TBC1D22A: variants seen among roughly 807,000 people sequenced by gnomAD.
TBC1D22A encodes the protein TBC1 domain family member 22A.
Under a neutral mutation model 60.2 loss-of-function variants are expected in TBC1D22A, and 38 were observed. The observed-to-expected ratio is 0.63, with a 90% CI of 0.49 to 0.83. The LOEUF is 0.83. Among genes scored for constraint, TBC1D22A ranks in the 40% least tolerant of loss-of-function variants. TBC1D22A has a pLI of 0.00. For missense variants in TBC1D22A, 628 were observed against 701.0 expected, an observed-to-expected ratio of 0.90 and a Z score of 1.18; for synonymous variants, 302 against 281.7, an observed-to-expected ratio of 1.07 and a Z score of -0.72.
At chr22:47,112,122 G>A (rs2065870982) in intron 12 of TBC1D22A, among the ~76,000 whole-genome samples, 1 of 152,244 alleles carries the variant, frequency 6.6e-6, no homozygotes, top group Non-Finnish European at 1.5e-5. Flanking sequence ...TCAGAGGCAC[G>A]CCCTGCTAGG....
At chr22:47,075,319 G>A (rs1311544927) in intron 11 of TBC1D22A, among the ~76,000 whole-genome samples, 8 of 151,972 alleles carry the variant, frequency 5.3e-5, no homozygotes, top group African/African-American at 1.9e-4. Flanking sequence ...AGGCTTTGTA[G>A]GGTGCTGAGC....
intron 4 of TBC1D22A, among the ~76,000 whole-genome samples, chr22:46,824,544 C>T (rs1465119227): frequency 2.6e-5 from 4 of 152,238 alleles, no homozygotes; most frequent in East Asian, 1.9e-4. Context: ...AAGGAGGTCA[C>T]ATTCCATGCT....
At chr22:47,161,755 C>G (rs2067991988) in intron 12 of TBC1D22A, among the ~76,000 whole-genome samples, 1 of 152,248 alleles carries the variant, frequency 6.6e-6, no homozygotes, top group Admixed American at 6.5e-5. Flanking sequence ...CCCTTCTGCG[C>G]AAGTGTGTGC....
At chr22:46,982,226 CT>C (rs750713030) in intron 9 of TBC1D22A, among the ~76,000 whole-genome samples, 9,103 of 138,478 alleles carry the variant, frequency 0.066, 317 homozygotes, top group African/African-American at 0.11. Flanking sequence ...AAGAGACAGT[CT>C]TTTTTTTTTT....
intron 9 of TBC1D22A, among the ~76,000 whole-genome samples, chr22:46,976,508 G>A (rs894227640): frequency 6.6e-6 from 1 of 152,192 alleles, no homozygotes; most frequent in African/African-American, 2.4e-5. Flanking sequence ...CACTGCCGCT[G>A]TTTTAAGTTC....
intron 4 of TBC1D22A, among the ~76,000 whole-genome samples, chr22:46,806,053 A>G (rs755015474): frequency 3.3e-5 from 5 of 151,824 alleles, no homozygotes; most frequent in Non-Finnish European, 7.4e-5. Flanking sequence ...GGGTTTCACC[A>G]TGTTGGTCAG....
chr22:47,000,094 T>G (rs1277281914), intron 10 of TBC1D22A, among the ~76,000 whole-genome samples: 1 of 152,142 alleles, frequency 6.6e-6, no homozygotes, highest in African/African-American at 2.4e-5. Context: ...TTCAGAAAAT[T>G]TTGATAATTC....
At chr22:46,815,181 CT>C (rs1048284837) in intron 4 of TBC1D22A, among the ~76,000 whole-genome samples, 2 of 152,180 alleles carry the variant, frequency 1.3e-5, no homozygotes, top group African/African-American at 4.8e-5. Context: ...AGACACACCC[CT>C]GAGACATAAC....
chr22:46,840,620 C>A (rs1228466538), intron 4 of TBC1D22A, among the ~76,000 whole-genome samples: 1 of 151,948 alleles, frequency 6.6e-6, no homozygotes, highest in Non-Finnish European at 1.5e-5. Flanking sequence ...GTAGTCCCAG[C>A]TACTTGGGAG....
intron 12 of TBC1D22A, among the ~76,000 whole-genome samples, chr22:47,126,327 A>G (rs1025987534): frequency 3.3e-5 from 5 of 152,366 alleles, no homozygotes; most frequent in East Asian, 1.9e-4. Flanking sequence ...TCAGGCCACC[A>G]GAAGACAGGG....
chr22:46,803,035 C>G (rs910868), intron 4 of TBC1D22A, among the ~76,000 whole-genome samples: 102,167 of 151,668 alleles, frequency 0.67, 34,675 homozygotes, highest in Middle Eastern at 0.83. Context: ...ACAAAATCTC[C>G]TCCTCATGAA....
At chr22:46,947,972 C>T (rs950479709) in intron 8 of TBC1D22A, among the ~76,000 whole-genome samples, 4 of 152,192 alleles carry the variant, frequency 2.6e-5, no homozygotes, top group East Asian at 1.9e-4. Flanking sequence ...CTGATAAACT[C>T]GCCTTTTAAT....
Position 46,997,628 on chromosome 22 carries a change from C to G in TBC1D22A, c.1126-6C>G. 6.2e-7 allele frequency: 1 copy of G among 1,610,934 alleles called. No individual in the cohort carries two copies. The highest frequency in any genetic ancestry group is 8.5e-7 in the Non-Finnish European group (1 of 1,178,102). On this transcript the variant is annotated splice_region_variant and splice_polypyrimidine_tract_variant and intron_variant, in intron 9 of 12. Transcript: ENST00000337137. Reference sequence around the variant, plus strand: ...CATATGATTCACATTATTCTTTTTTCCTTAGGACAACTACACCTTTGCCCA... The same window carrying G: ...CATATGATTCACATTATTCTTTTTTGCTTAGGACAACTACACCTTTGCCCA...
rs1461923427 is a variant in TBC1D22A, at chr22:46,916,075, A to T, written c.1015+3887A>T. The T allele has an allele frequency of 2.3e-5, 9 of 393,328 alleles. No individual in the cohort carries two copies. In the East Asian group the frequency reaches 6.3e-4, roughly 28 times the overall value. The allele number at this position is 393,328 out of a possible 1,614,324, so 24.4% of individuals were successfully genotyped here. The stretch of plus-strand genomic sequence containing the variant: ...AGGACATATGCATGTAGTGAATTGT[A>T]TTGCAACCCCTCTGACACTTTGTTT... On this transcript the variant is annotated intron_variant, in intron 8 of 12. Transcript: ENST00000337137.
chr22:47,042,126 C>T (rs131885), intron 11 of TBC1D22A, among the ~76,000 whole-genome samples: 1 of 152,096 alleles, frequency 6.6e-6, no homozygotes, highest in Non-Finnish European at 1.5e-5. Context: ...AAGCACCTTG[C>T]CCAGGGCCAC....
intron 7 of TBC1D22A, among the ~76,000 whole-genome samples, chr22:46,910,243 G>C (rs1275699160): frequency 6.6e-6 from 1 of 152,182 alleles, no homozygotes; most frequent in Non-Finnish European, 1.5e-5. Flanking sequence ...ATGCTAGCGT[G>C]GGGTGGCGGG....
chr22:47,108,079 G>A (rs1349597967), intron 11 of TBC1D22A, among the ~76,000 whole-genome samples: 1 of 152,188 alleles, frequency 6.6e-6, no homozygotes, highest in Non-Finnish European at 1.5e-5. Context: ...GAAAAGAGGA[G>A]GCATGGGGAG....
chr22:47,078,266 T>G (rs1048338453), intron 11 of TBC1D22A, among the ~76,000 whole-genome samples: 3 of 152,180 alleles, frequency 2.0e-5, no homozygotes, highest in Admixed American at 2.0e-4. Flanking sequence ...TTCTCTTCCC[T>G]CTGCCCTTGG....
At chr22:46,919,735 T>TTC (rs549509711) in intron 8 of TBC1D22A, among the ~76,000 whole-genome samples, 13,821 of 151,146 alleles carry the variant, frequency 0.091, 1,306 homozygotes, top group African/African-American at 0.23. Context: ...TTCACTCTTT[T>TTC]TTTTTTTTTT....
Sources: gnomAD v4.1 joint callset for allele counts (sites outside exome capture counted in the v4.1 genomes callset) on GRCh38, gnomAD v4.1.1 for gene constraint, MANE v1.5 for transcripts, NCBI Gene and HGNC (gene_info 2026-07-23, HGNC 2026-07-21) for gene names.